Variants in AGTPBP1 observed in about 807,000 individuals in gnomAD.
AGTPBP1 encodes ATP/GTP binding carboxypeptidase 1, also known as cytosolic carboxypeptidase 1.
A neutral mutation model predicts 143.9 loss-of-function variants in AGTPBP1; 70 were observed. The observed-to-expected ratio is 0.49, with a 90% CI of 0.40 to 0.59. The LOEUF is 0.59. Ranked by LOEUF, AGTPBP1 falls within the 20% of genes least tolerant of loss-of-function variation. AGTPBP1 has a pLI of 0.00. For synonymous variants in AGTPBP1, 463 were observed against 500.2 expected (o/e 0.93, Z 0.99); for missense variants, 1,229 against 1,464.5 (o/e 0.84, Z 2.62).
chr9:85,767,116 T>C, the AGTPBP1 span, among the ~76,000 whole-genome samples: 2 of 150,488 alleles, frequency 1.3e-5, no homozygotes, highest in African/African-American at 4.9e-5. Flanking sequence ...GAGGAAAATA[T>C]AAGAACTATT....
At chr9:85,700,466 G>A (rs960873285) in intron 2 of AGTPBP1, among the ~76,000 whole-genome samples, 7 of 152,046 alleles carry the variant, frequency 4.6e-5, no homozygotes, top group Non-Finnish European at 1.0e-4. Flanking sequence ...TCATTTCACC[G>A]GCTAAAGCAA....
the AGTPBP1 span, among the ~76,000 whole-genome samples, chr9:85,752,918 G>A: frequency 6.6e-6 from 1 of 152,182 alleles, no homozygotes; most frequent in Admixed American, 6.5e-5. Flanking sequence ...GGGAGGCTGA[G>A]GTGAGAGGAT....
intron 7 of AGTPBP1, among the ~76,000 whole-genome samples, chr9:85,671,196 C>G (rs1834460654): frequency 6.6e-6 from 1 of 152,040 alleles, no homozygotes; most frequent in Admixed American, 6.6e-5. Flanking sequence ...GGTCCTTCTG[C>G]CTAGCCTCTG....
At chr9:85,787,315 A>C in the AGTPBP1 span, among the ~76,000 whole-genome samples, 5 of 152,152 alleles carry the variant, frequency 3.3e-5, no homozygotes, top group African/African-American at 1.2e-4. Context: ...TCCATGGAAC[A>C]CGGAAATTAT....
chr9:85,773,304 A>C, the AGTPBP1 span, among the ~76,000 whole-genome samples: 27 of 140,092 alleles, frequency 1.9e-4, no homozygotes, highest in African/African-American at 6.0e-4. Flanking sequence ...TCATCAATTC[A>C]GAATTCCAAC....
intron 13 of AGTPBP1, among the ~76,000 whole-genome samples, chr9:85,639,635 T>C (rs1832336387): frequency 6.6e-6 from 1 of 151,920 alleles, no homozygotes; most frequent in Admixed American, 6.6e-5. Context: ...TGAATAACTT[T>C]GACAAAAATT....
At chr9:85,748,286 T>C in the AGTPBP1 span, among the ~76,000 whole-genome samples, 1,183 of 152,284 alleles carry the variant, frequency 7.8e-3, 18 homozygotes, top group African/African-American at 0.027. Flanking sequence ...TTGTTTTTTC[T>C]TCTCTTCCTG....
chr9:85,796,775 T>G, the AGTPBP1 span, among the ~76,000 whole-genome samples: 1 of 152,156 alleles, frequency 6.6e-6, no homozygotes, highest in South Asian at 2.1e-4. Flanking sequence ...CTACTGTGTA[T>G]GCACAAAAAT....
intron 12 of AGTPBP1, among the ~76,000 whole-genome samples, chr9:85,644,019 T>C (rs565550178): frequency 6.6e-6 from 1 of 152,256 alleles, no homozygotes; most frequent in East Asian, 1.9e-4. Flanking sequence ...TAAAAAACTT[T>C]ATATACATGT....
At chr9:85,604,279 A>G (rs549121839) in intron 17 of AGTPBP1, among the ~76,000 whole-genome samples, 6 of 152,208 alleles carry the variant, frequency 3.9e-5, no homozygotes, top group African/African-American at 1.4e-4. Flanking sequence ...AGAGAGACAG[A>G]CTCTGTTTGG....
At chr9:85,644,787 C>A (rs1428700972) in intron 12 of AGTPBP1, among the ~76,000 whole-genome samples, 3 of 151,914 alleles carry the variant, frequency 2.0e-5, no homozygotes, top group South Asian at 4.1e-4. Context: ...TAAGAGAACA[C>A]AAATAAATAA....
chr9:85,736,977 G>A (rs1182179542), intron 1 of AGTPBP1, among the ~76,000 whole-genome samples: 2 of 152,138 alleles, frequency 1.3e-5, no homozygotes, highest in African/African-American at 4.8e-5. Context: ...GTGGTGGTAG[G>A]CGCCTGTAGT....
intron 9 of AGTPBP1, 131 bp downstream of exon 9, chr9:85,660,805 A>T (rs1020900348): frequency 4.4e-5 from 29 of 664,552 alleles, no homozygotes; most frequent in Non-Finnish European, 6.6e-5. Context: ...AGGAAAAATC[A>T]ATTTTGACAT....
At chr9:85,705,805 C>T (rs564907690) in intron 2 of AGTPBP1, among the ~76,000 whole-genome samples, 21 of 152,168 alleles carry the variant, frequency 1.4e-4, no homozygotes, top group Admixed American at 1.1e-3. Context: ...ATTCTCCTGC[C>T]TCAGCCTCCC....
rs1831796867 is a variant in AGTPBP1 at position 85,633,145 on chromosome 9, T to C, written c.1532A>G (p.Gln511Arg). The C allele has an allele frequency of 5.0e-6, 8 of 1,613,976 alleles. No homozygotes were observed. Among genetic ancestry groups the C allele is most frequent in the Non-Finnish European group, 5.9e-6 (7 of 1,179,964 alleles). The change falls in exon 14 of 26, where the codon CAG (glutamine) becomes CGG (arginine). Residue 511 changes from glutamine to arginine, a missense_variant. Gln to Arg is a conservative substitution (Grantham distance 43, BLOSUM62 1). This residue lies in a region of AGTPBP1 where 743 missense variants were observed against 812.2 expected (regional missense o/e 0.91). Transcript: ENST00000357081. ...AGTTCTATTTTGATCACCTGGCTGC[T>C]GTTGTAATGTTCTATCATTATCTTT... ...DIKDNDRTLQ[Q>R]QPGDQNRTIS...
chr9:85,669,583 G>C lies in AGTPBP1; in HGVS notation c.569-5C>G, dbSNP rs769539349. ...CTAAGGATACTGAATTCACAGCTGA[G>C]AGGGGGAGAAAGAGATGCAAAATTA... On this transcript the variant is annotated splice_polypyrimidine_tract_variant and splice_region_variant and intron_variant, in intron 7 of 25. Transcript: ENST00000357081. 1.9e-6 allele frequency: 3 copies of C among 1,602,114 alleles called. No homozygotes were observed. The highest frequency in any genetic ancestry group is 2.6e-6 in the Non-Finnish European group (3 of 1,170,336).
At chr9:85,619,849 C>G (rs1310440261) in intron 15 of AGTPBP1, among the ~76,000 whole-genome samples, 2 of 152,128 alleles carry the variant, frequency 1.3e-5, no homozygotes, top group African/African-American at 2.4e-5. Context: ...TCTTGCTCTT[C>G]TGGAGCCTAC....
At chr9:85,755,334 C>A in the AGTPBP1 span, among the ~76,000 whole-genome samples, 1 of 152,172 alleles carries the variant, frequency 6.6e-6, no homozygotes, top group South Asian at 2.1e-4. Flanking sequence ...TTTAAACAGT[C>A]ATATTCCATC....
intron 1 of AGTPBP1, among the ~76,000 whole-genome samples, chr9:85,717,072 T>C (rs988773198): frequency 2.0e-5 from 3 of 152,186 alleles, no homozygotes; most frequent in African/African-American, 7.2e-5. Flanking sequence ...AGTATCACCT[T>C]TTCAATACAA....
Sources: allele counts gnomAD v4.1 joint callset (sites outside exome capture counted in the v4.1 genomes callset), GRCh38; gene constraint gnomAD v4.1.1; regional missense constraint gnomAD v4.1.1; transcripts MANE v1.5; gene names NCBI Gene and HGNC (gene_info 2026-07-23, HGNC 2026-07-21).